DSE: variants seen among roughly 807,000 people sequenced by gnomAD.
DSE encodes the protein dermatan-sulfate epimerase.
In DSE, 36 loss-of-function variants were observed where a neutral mutation model predicts 84.4. That is an observed-to-expected ratio of 0.43 (90% CI 0.33 to 0.56). The LOEUF is 0.56. DSE is among the 20% of genes least tolerant of loss of function. The pLI is 0.06. For missense variants in DSE, 862 were observed against 1,169.6 expected (o/e 0.74, Z 3.84); for synonymous variants, 410 against 430.1 (o/e 0.95, Z 0.58).
intron 2 of DSE, among the ~76,000 whole-genome samples, chr6:116,292,150 C>T (rs1392332043): frequency 1.3e-5 from 2 of 151,922 alleles, no homozygotes; most frequent in Non-Finnish European, 2.9e-5. Context: ...ACGAGAACAC[C>T]AGGAAGACAA....
At chr6:116,341,048 C>T (rs567911373) in intron 2 of DSE, among the ~76,000 whole-genome samples, 50 of 152,262 alleles carry the variant, frequency 3.3e-4, no homozygotes, top group African/African-American at 1.2e-3. Flanking sequence ...GTTCTAGATC[C>T]TTGAGGAATC....
chr6:116,353,880 TA>T (rs922958834), intron 2 of DSE, among the ~76,000 whole-genome samples: 3 of 152,246 alleles, frequency 2.0e-5, no homozygotes, highest in East Asian at 1.9e-4. Flanking sequence ...ATTTTAAATT[TA>T]AAAAAATCTT....
intron 2 of DSE, among the ~76,000 whole-genome samples, chr6:116,340,050 C>T (rs1189766133): frequency 6.6e-6 from 1 of 152,118 alleles, no homozygotes; most frequent in Non-Finnish European, 1.5e-5. Flanking sequence ...AAGAAACAGT[C>T]AAGTAGTGTG....
At chr6:116,371,418 G>A (rs1779562232) in intron 1 of DSE, among the ~76,000 whole-genome samples, 1 of 152,242 alleles carries the variant, frequency 6.6e-6, no homozygotes, top group East Asian at 1.9e-4. Flanking sequence ...CCGGGAACAC[G>A]ATGAGAACCT....
chr6:116,344,859 T>C (rs1238091909), intron 2 of DSE, among the ~76,000 whole-genome samples: 1 of 152,110 alleles, frequency 6.6e-6, no homozygotes, highest in Non-Finnish European at 1.5e-5. Flanking sequence ...GACCCATCAG[T>C]GTGCTGTATT....
chr6:116,343,815 C>T lies in DSE; in HGVS notation c.-53-55383C>T, dbSNP rs577409520. 7.2e-5 allele frequency among the ~76,000 whole-genome samples: 11 copies of T among 152,216 alleles called. No homozygotes were observed. In the South Asian group the frequency reaches 1.7e-3, roughly 23 times the overall value. On this transcript the variant is annotated intron_variant, in intron 2 of 3. Transcript: ENST00000430252. Reference sequence around the variant, plus strand: ...TGAGTTGAGAAAAGAAGGCTTCAGACGATCGGTAATAACAAACTTCTCTGA... The same window carrying T: ...TGAGTTGAGAAAAGAAGGCTTCAGATGATCGGTAATAACAAACTTCTCTGA...
intron 2 of DSE, among the ~76,000 whole-genome samples, chr6:116,325,288 G>C (rs971749049): frequency 2.0e-5 from 3 of 152,162 alleles, no homozygotes; most frequent in African/African-American, 7.2e-5. Flanking sequence ...CCATGTCTGG[G>C]GTGAAACCAT....
intron 2 of DSE, among the ~76,000 whole-genome samples, chr6:116,351,412 A>AT (rs1778302066): frequency 1.3e-5 from 2 of 152,104 alleles, no homozygotes; most frequent in African/African-American, 4.8e-5. Flanking sequence ...TAAAACTTTT[A>AT]TTTTTTTATT....
At chr6:116,340,905 T>C (rs1430473159) in intron 2 of DSE, among the ~76,000 whole-genome samples, 3 of 152,246 alleles carry the variant, frequency 2.0e-5, no homozygotes, top group Non-Finnish European at 4.4e-5. Flanking sequence ...ACATTTGGGT[T>C]GGTTCCAAGG....
intron 2 of DSE, among the ~76,000 whole-genome samples, chr6:116,362,248 A>G (rs537937281): frequency 5.9e-5 from 9 of 152,244 alleles, no homozygotes; most frequent in East Asian, 1.9e-4. Flanking sequence ...TCAAAGGTAC[A>G]TAAGAATCAC....
At chr6:116,315,690 G>A (rs749348798) in intron 2 of DSE, among the ~76,000 whole-genome samples, 6 of 152,118 alleles carry the variant, frequency 3.9e-5, no homozygotes, top group African/African-American at 4.8e-5. Context: ...CATGAGAATC[G>A]TATGTGATGT....
intron 1 of DSE, among the ~76,000 whole-genome samples, chr6:116,258,230 G>A (rs1482943600): frequency 6.6e-6 from 1 of 151,696 alleles, no homozygotes; most frequent in East Asian, 1.9e-4. Flanking sequence ...TGGCCAGGCT[G>A]GCCTCAAACT....
chr6:116,370,890 C>A, upstream of DSE: 1 of 985,760 alleles, frequency 1.0e-6, no homozygotes. Context: ...GCGCCCGCCG[C>A]GTCCCTCCCT....
chr6:116,391,781 A>G (rs1411317737), intron 1 of DSE, among the ~76,000 whole-genome samples: 1 of 151,780 alleles, frequency 6.6e-6, no homozygotes, highest in Non-Finnish European at 1.5e-5. Flanking sequence ...AAAAAAAAAA[A>G]AAAGGAGCTC....
chr6:116,397,319 G>A (rs1483201840), intron 1 of DSE, among the ~76,000 whole-genome samples: 1 of 146,898 alleles, frequency 6.8e-6, no homozygotes, highest in Non-Finnish European at 1.5e-5. Context: ...AGCGATTCCT[G>A]CCTCAACCTC....
At chr6:116,290,324 T>C (rs531116267) in intron 2 of DSE, among the ~76,000 whole-genome samples, 1 of 152,266 alleles carries the variant, frequency 6.6e-6, no homozygotes, top group South Asian at 2.1e-4. Context: ...GCTGCATTGA[T>C]TGAATGATTC....
chr6:116,372,066 G>C (rs1401803843), intron 1 of DSE, among the ~76,000 whole-genome samples: 1 of 152,192 alleles, frequency 6.6e-6, no homozygotes, highest in Non-Finnish European at 1.5e-5. Context: ...GGTTTAGAAA[G>C]TCATGGTTTA....
chr6:116,310,856 C>T lies in DSE; in HGVS notation c.-54+51889C>T, dbSNP rs1264598209. ...TAATTTTCTTTTTCAAAGGCCCTTC[C>T]TAATGGTTTCCCATTACACTTATAA... On this transcript the variant is annotated intron_variant, in intron 2 of 3. Coordinates refer to the DSE transcript ENST00000430252. 2.6e-5 allele frequency among the ~76,000 whole-genome samples: 4 copies of T among 152,302 alleles called. No individual in the cohort carries two copies. The East Asian group carries it at 7.7e-4, about 29-fold the overall frequency.
At chr6:116,299,645 GAGAT>G (rs148794707) in intron 2 of DSE, among the ~76,000 whole-genome samples, 5,738 of 150,628 alleles carry the variant, frequency 0.038, 177 homozygotes, top group African/African-American at 0.077. Flanking sequence ...TATAGATAAA[GAGAT>G]AGAGATAGAT....
Sources: gnomAD v4.1 joint callset for allele counts (sites outside exome capture counted in the v4.1 genomes callset) on GRCh38, gnomAD v4.1.1 for gene constraint, MANE v1.5 for transcripts, NCBI Gene and HGNC (gene_info 2026-07-23, HGNC 2026-07-21) for gene names.